The following RAP1GAP variants were observed in gnomAD, a reference collection of about 807,000 sequenced individuals.
RAP1GAP encodes the protein rap1 GTPase-activating protein 1.
RAP1GAP carries 35 observed loss-of-function variants against 87.2 expected under a neutral mutation model. The ratio of observed to expected loss-of-function variants is 0.40; its 90% CI spans 0.31 to 0.53. RAP1GAP has a LOEUF of 0.53. RAP1GAP is among the 20% of genes least tolerant of loss of function. The pLI is 0.48. For missense variants in RAP1GAP, 734 were observed against 898.9 expected (o/e 0.82, Z 2.35); for synonymous variants, 375 against 363.9 (o/e 1.03, Z -0.35).
intron 1 of RAP1GAP, among the ~76,000 whole-genome samples, chr1:21,659,414 C>A (rs1251398199): frequency 2.6e-5 from 4 of 152,222 alleles, no homozygotes; most frequent in Non-Finnish European, 4.4e-5. Flanking sequence ...TCGCCACCCC[C>A]CGCACTTCCT....
chr1:21,645,200 A>G (rs2095918959), intron 2 of RAP1GAP, among the ~76,000 whole-genome samples: 1 of 152,218 alleles, frequency 6.6e-6, no homozygotes, highest in Non-Finnish European at 1.5e-5. Flanking sequence ...CCACAGCTCT[A>G]TCGCTCTGAG....
intron 19 of RAP1GAP, 61 bp downstream of exon 19, chr1:21,602,743 A>G: frequency 6.9e-7 from 1 of 1,450,362 alleles, no homozygotes; most frequent in Non-Finnish European, 9.4e-7. Flanking sequence ...TTGCTTTGCC[A>G]CCGAATGGGG....
At chr1:21,606,527 T>G (rs1221725398) in intron 17 of RAP1GAP, among the ~76,000 whole-genome samples, 1 of 152,186 alleles carries the variant, frequency 6.6e-6, no homozygotes, top group African/African-American at 2.4e-5. Flanking sequence ...GTGCTGAGTG[T>G]CCTCATGTGG....
At chr1:21,653,564 C>CTTCT (rs1558896341) in intron 1 of RAP1GAP, among the ~76,000 whole-genome samples, 1 of 126,754 alleles carries the variant, frequency 7.9e-6, no homozygotes, top group African/African-American at 2.9e-5. Context: ...TCCTTCCTTC[C>CTTCT]TTCCTTCCTT....
chr1:21,661,990 C>T (rs1020367550), intron 1 of RAP1GAP, among the ~76,000 whole-genome samples: 1 of 152,216 alleles, frequency 6.6e-6, no homozygotes, highest in African/African-American at 2.4e-5. Flanking sequence ...CACTGAAGGG[C>T]GTGGTGTTCC....
chr1:21,598,599 C>A, intron 21 of RAP1GAP, 97 bp from the exon 22 acceptor site: 2 of 1,007,130 alleles, frequency 2.0e-6, no homozygotes, highest in Non-Finnish European at 1.5e-6. Context: ...CATTCCACAA[C>A]CCCCCACCCG....
chr1:21,655,691 G>C (rs2152173219), intron 1 of RAP1GAP, among the ~76,000 whole-genome samples: 1 of 152,334 alleles, frequency 6.6e-6, no homozygotes, highest in South Asian at 2.1e-4. Flanking sequence ...CCTCCCCTTT[G>C]GGCCTCCTAG....
At chr1:21,650,958 A>C (rs374852561) in intron 1 of RAP1GAP, among the ~76,000 whole-genome samples, 1 of 152,188 alleles carries the variant, frequency 6.6e-6, no homozygotes, top group African/African-American at 2.4e-5. Context: ...TCCACACCCC[A>C]AGGTGGGTCC....
At position 21,634,839 on chromosome 1, in the gene RAP1GAP, C is replaced by A; in HGVS notation, c.-112-8442G>T. On this transcript the variant is annotated intron_variant, in intron 2 of 24. Transcript: ENST00000374765. The surrounding 1 kb of genome is among the most constrained non-coding windows in gnomAD (Gnocchi z 4.1). Reference sequence around the variant, plus strand: ...GTGGCCAAAACCTGACCCTTCCCACCCCACCGAGGACTTCAGTGTGGACTG... The same window carrying A: ...GTGGCCAAAACCTGACCCTTCCCACACCACCGAGGACTTCAGTGTGGACTG... The A allele has an allele frequency of 8.1e-6, 3 of 369,868 alleles. No homozygotes were observed. Among genetic ancestry groups the A allele is most frequent in the Non-Finnish European group, 1.7e-5 (3 of 172,498 alleles). 22.9% of individuals were successfully genotyped at this position (369,868 alleles called of 1,614,324 possible).
chr1:21,621,538 T>C (rs1038427647), intron 3 of RAP1GAP, among the ~76,000 whole-genome samples: 12 of 152,244 alleles, frequency 7.9e-5, no homozygotes, highest in Admixed American at 6.5e-5. Flanking sequence ...TAGGACACCT[T>C]GACCCATGGT....
intron 2 of RAP1GAP, among the ~76,000 whole-genome samples, chr1:21,631,855 C>A (rs1330634311): frequency 6.6e-6 from 1 of 152,150 alleles, no homozygotes; most frequent in East Asian, 1.9e-4. Flanking sequence ...CCTTCCACAG[C>A]GTGCATCCCA....
chr1:21,617,595 G>A, intron 6 of RAP1GAP, 104 bp from the exon 7 acceptor site: 1 of 1,314,968 alleles, frequency 7.6e-7, no homozygotes, highest in Non-Finnish European at 1.0e-6. Flanking sequence ...GTGGCTAAGG[G>A]GTATGAGGGG....
intron 12 of RAP1GAP, 29 bp from the exon 13 acceptor site, chr1:21,611,610 C>A (rs760711874): frequency 6.2e-7 from 1 of 1,613,988 alleles, no homozygotes; most frequent in South Asian, 1.1e-5. Context: ...GGCCACGCCT[C>A]AGTCTCCAGC....
Position 21,609,439 on chromosome 1 carries a change from C to G in RAP1GAP, c.1071+136G>C. The G allele has an allele frequency of 3.9e-6, 2 of 510,736 alleles. No individual in the cohort carries two copies. Among genetic ancestry groups the G allele is most frequent in the South Asian group, 1.1e-4 (2 of 18,192 alleles). The allele number at this position is 510,736 out of a possible 1,614,324, so 31.6% of individuals were successfully genotyped here. Reference sequence around the variant, plus strand: ...CAAGATGAATGGAAAAGCCAGGCCCCGGTTGCAGTTAGGGGAGCCCAGCTG... The same window carrying G: ...CAAGATGAATGGAAAAGCCAGGCCCGGGTTGCAGTTAGGGGAGCCCAGCTG... On this transcript the variant is annotated intron_variant, in intron 15 of 24. Coordinates refer to ENST00000374765, the MANE Select transcript of RAP1GAP (RefSeq NM_002885.4). The surrounding 1 kb of genome is among the most constrained non-coding windows in gnomAD (Gnocchi z 4.4).
Position 21,668,353 on chromosome 1 carries a change from C to G in RAP1GAP, c.-149+901G>C, listed in dbSNP as rs932243015. Among the ~76,000 whole-genome samples, 1 of 152,168 alleles carries G rather than the reference C, an allele frequency of 6.6e-6. No individual in the cohort carries two copies. The highest frequency in any genetic ancestry group is 2.4e-5 in the African/African-American group (1 of 41,442). On this transcript the variant is annotated intron_variant, in intron 1 of 24. Transcript: ENST00000374765. The surrounding 1 kb of genome is among the most constrained non-coding windows in gnomAD (Gnocchi z 6.2). ...CCCAGGGGCCTGACCTCTGACTTGG[C>G]AGGGAGGGGAATGGAGCCCGGGGAC...
In RAP1GAP at chr1:21,596,651, G is replaced by C. The variant is rs1451039197; in HGVS notation, c.*648C>G. Reference sequence around the variant, plus strand: ...CCCCTCAGCCCACCTGGGGCTCCAGGGACCTCAAGAAGCAGGGTAGGGTGA... The same window carrying C: ...CCCCTCAGCCCACCTGGGGCTCCAGCGACCTCAAGAAGCAGGGTAGGGTGA... On this transcript the variant is annotated 3_prime_UTR_variant, in exon 25 of 25. Coordinates refer to ENST00000374765, the MANE Select transcript of RAP1GAP (RefSeq NM_002885.4). 1.3e-5 allele frequency: 2 copies of C among 152,322 alleles called. No individual in the cohort carries two copies. The highest frequency in any genetic ancestry group is 4.8e-5 in the African/African-American group (2 of 41,462). The allele number at this position is 152,322 out of a possible 1,614,324, so 9.4% of individuals were successfully genotyped here. A position where few individuals can be genotyped will look rare whatever the true frequency, so the allele number is the denominator to read the frequency against.
chr1:21,669,274 C>T lies in RAP1GAP; in HGVS notation c.-169G>A. ...CTCACCCAAGGGCCTGGGCCGGGGG[C>T]GTCCTGGGCTCGGCACTCTGGTGCC... On this transcript the variant is annotated 5_prime_UTR_variant, in exon 1 of 25. Transcript: ENST00000374765. This position sits in a 1 kb window ranked among gnomAD's most constrained non-coding sequence, Gnocchi z 5.6. The T allele has an allele frequency of 3.3e-6, 4 of 1,215,776 alleles. No individual in the cohort carries two copies. The highest frequency in any genetic ancestry group is 4.2e-6 in the Non-Finnish European group (4 of 959,990). 75.3% of individuals were successfully genotyped at this position (1,215,776 alleles called of 1,614,324 possible).
At chr1:21,611,692 T>A (rs763078926) in intron 12 of RAP1GAP, 24 bp downstream of exon 12, 1 of 1,612,178 alleles carries the variant, frequency 6.2e-7, no homozygotes, top group Non-Finnish European at 8.5e-7. Flanking sequence ...GATTACACTC[T>A]GCTCAGCCCA....
At chr1:21,606,827 A>ACTC (rs1362796355) in intron 17 of RAP1GAP, among the ~76,000 whole-genome samples, 1 of 152,062 alleles carries the variant, frequency 6.6e-6, no homozygotes, top group Non-Finnish European at 1.5e-5. Context: ...GCATGCCAGG[A>ACTC]CCCATGCCCT....
Sources: allele counts gnomAD v4.1 joint callset (sites outside exome capture counted in the v4.1 genomes callset), GRCh38; gene constraint gnomAD v4.1.1; non-coding constraint Gnocchi (gnomAD v3.1); transcripts MANE v1.5; gene names NCBI Gene and HGNC (gene_info 2026-07-23, HGNC 2026-07-21).